The following DOCK3 variants were observed in gnomAD, a reference collection of about 807,000 sequenced individuals.
The protein encoded by DOCK3 is dedicator of cytokinesis 3, also known as dedicator of cytokinesis protein 3.
Under a neutral mutation model 265.6 loss-of-function variants are expected in DOCK3, and 60 were observed. That is an observed-to-expected ratio of 0.23 (90% CI 0.18 to 0.28). DOCK3 has a LOEUF of 0.28. Among genes scored for constraint, DOCK3 ranks in the 10% least tolerant of loss-of-function variants. DOCK3 has a pLI of 1.00. For synonymous variants in DOCK3, 881 were observed against 938.0 expected, an observed-to-expected ratio of 0.94 and a Z score of 1.11; for missense variants, 1,981 against 2,594.3, an observed-to-expected ratio of 0.76 and a Z score of 5.14.
chr3:51,172,974 A>G (rs1456210773), intron 12 of DOCK3, among the ~76,000 whole-genome samples: 4 of 152,182 alleles, frequency 2.6e-5, no homozygotes, highest in Non-Finnish European at 5.9e-5. Context: ...ACATATTTAC[A>G]TGTTGTAACC....
At position 51,146,631 on chromosome 3, in the gene DOCK3, G is replaced by T. The variant is rs1474586940; in HGVS notation, c.828+1G>T. 1 of 1,578,782 alleles carries T rather than the reference G, an allele frequency of 6.3e-7. No individual in the cohort carries two copies. Among genetic ancestry groups the T allele is most frequent in the Non-Finnish European group, 8.6e-7 (1 of 1,161,068 alleles). ...AGAACGAATGTGTGCCCTTTTTACA[G>T]TATGTACGAATTCTCTTTTTCTTCT... On this transcript the variant is annotated splice_donor_variant, in intron 10 of 52. Transcript: ENST00000266037. LOFTEE classifies it high-confidence loss of function.
intron 5 of DOCK3, among the ~76,000 whole-genome samples, chr3:51,063,441 A>G (rs1337324562): frequency 6.6e-6 from 1 of 152,218 alleles, no homozygotes; most frequent in Non-Finnish European, 1.5e-5. Context: ...CTGCCACCTC[A>G]AAACACTACC....
At chr3:50,970,123 A>G (rs2077155871) in intron 5 of DOCK3, among the ~76,000 whole-genome samples, 1 of 152,174 alleles carries the variant, frequency 6.6e-6, no homozygotes, top group South Asian at 2.1e-4. Context: ...AATAGGACCC[A>G]GTCTCTTCTG....
At chr3:51,231,669 G>T (rs528066279) in intron 19 of DOCK3, among the ~76,000 whole-genome samples, 1 of 152,262 alleles carries the variant, frequency 6.6e-6, no homozygotes, top group African/African-American at 2.4e-5. Context: ...TCATTTGTCA[G>T]ATGCATAGTT....
chr3:50,758,575 A>G (rs2040339240), intron 1 of DOCK3, among the ~76,000 whole-genome samples: 1 of 152,194 alleles, frequency 6.6e-6, no homozygotes, highest in South Asian at 2.1e-4. Context: ...AGCATCAAGT[A>G]CATACATACT....
intron 11 of DOCK3, among the ~76,000 whole-genome samples, chr3:51,159,714 G>T (rs1323682191): frequency 6.6e-6 from 1 of 152,114 alleles, no homozygotes; most frequent in Non-Finnish European, 1.5e-5. Context: ...TTATGTATCT[G>T]TGGCTCTCTC....
At chr3:51,142,683 A>G (rs913166138) in intron 9 of DOCK3, among the ~76,000 whole-genome samples, 1 of 152,150 alleles carries the variant, frequency 6.6e-6, no homozygotes, top group Non-Finnish European at 1.5e-5. Context: ...GCTGCTATAA[A>G]TATTTATATA....
chr3:51,248,076 G>C (rs1355841410), intron 22 of DOCK3, among the ~76,000 whole-genome samples: 1 of 152,200 alleles, frequency 6.6e-6, no homozygotes, highest in African/African-American at 2.4e-5. Flanking sequence ...CCATGCTTCA[G>C]ACACTGTTCT....
At chr3:51,090,825 AAGG>A (rs1454221576) in intron 9 of DOCK3, among the ~76,000 whole-genome samples, 1 of 152,154 alleles carries the variant, frequency 6.6e-6, no homozygotes, top group Admixed American at 6.5e-5. Context: ...CAGCCCATGA[AAGG>A]AGAGCATCTT....
intron 2 of DOCK3, among the ~76,000 whole-genome samples, chr3:50,801,772 ATCTGTCC>A (rs2043081386): frequency 1.3e-5 from 2 of 152,240 alleles, no homozygotes; most frequent in South Asian, 4.1e-4. Context: ...TGTCAAGATG[ATCTGTCC>A]ATTGCTGAGA....
intron 7 of DOCK3, among the ~76,000 whole-genome samples, chr3:51,079,725 T>G (rs984963088): frequency 2.0e-5 from 3 of 152,162 alleles, no homozygotes. Flanking sequence ...ATAACAACTC[T>G]AAATCCATTT....
chr3:51,096,814 G>C (rs1473985461), intron 9 of DOCK3, among the ~76,000 whole-genome samples: 2 of 152,300 alleles, frequency 1.3e-5, no homozygotes, highest in African/African-American at 4.8e-5. Flanking sequence ...GTGACCTCCG[G>C]ATAGGGTTTC....
rs920721810 is a variant in DOCK3, at chr3:50,765,078, T to G, written c.38-13597T>G. Among the ~76,000 whole-genome samples the G allele has an allele frequency of 3.0e-5, 4 of 134,920 alleles. No individual in the cohort carries two copies. The Admixed American group carries it at 3.0e-4, about 10-fold the overall frequency. 88.5% of individuals were successfully genotyped at this position (134,920 alleles called of 152,430 possible). A position where few individuals can be genotyped will look rare whatever the true frequency, so the allele number is the denominator to read the frequency against. On this transcript the variant is annotated intron_variant, in intron 1 of 52. Coordinates refer to ENST00000266037, the MANE Select transcript of DOCK3 (RefSeq NM_004947.5). The stretch of plus-strand genomic sequence containing the variant: ...GAAGCTGCCACTTTCTTAGGTTTTT[T>G]TTTTTTTTTTTTTTTTTTTTTGAGA...
chr3:50,854,595 T>TTTTTTTTTTTTTTTG (rs2046498819), intron 3 of DOCK3, among the ~76,000 whole-genome samples: 1 of 129,222 alleles, frequency 7.7e-6, no homozygotes, highest in Admixed American at 7.8e-5. Context: ...CACACCAGTT[T>TTTTTTTTTTTTTTTG]TTTTTTTTTT....
In DOCK3 at chr3:51,248,224, A is replaced by G. The variant is rs552559295; in HGVS notation, c.2184+1417A>G. ...TATTCTAATCAATGTTGACACCAAC[A>G]TTGGCTTACAAAGTCAGTTTAAAAA... On this transcript the variant is annotated intron_variant, in intron 22 of 52. Coordinates refer to ENST00000266037, the MANE Select transcript of DOCK3 (RefSeq NM_004947.5). Among the ~76,000 whole-genome samples the G allele has an allele frequency of 3.3e-5, 5 of 152,362 alleles. No individual in the cohort carries two copies. In the South Asian group the frequency reaches 1.0e-3, roughly 32 times the overall value.
At chr3:50,839,126 A>G (rs1167122648) in intron 2 of DOCK3, among the ~76,000 whole-genome samples, 3 of 152,224 alleles carry the variant, frequency 2.0e-5, no homozygotes, top group Non-Finnish European at 4.4e-5. Flanking sequence ...CACAGTATGC[A>G]TTTAAGATTC....
At chr3:51,136,378 C>G (rs1424675595) in intron 9 of DOCK3, among the ~76,000 whole-genome samples, 1 of 152,062 alleles carries the variant, frequency 6.6e-6, no homozygotes, top group Non-Finnish European at 1.5e-5. Flanking sequence ...AGGCACCCAC[C>G]ACCACACCCG....
chr3:50,733,528 A>G (rs1467510070), intron 1 of DOCK3, among the ~76,000 whole-genome samples: 1 of 152,220 alleles, frequency 6.6e-6, no homozygotes, highest in Non-Finnish European at 1.5e-5. Flanking sequence ...TGTCTGATAC[A>G]AGTATAGCTA....
chr3:51,310,430 C>CA (rs1255034548), intron 28 of DOCK3, 104 bp downstream of exon 28: 3 of 1,054,666 alleles, frequency 2.8e-6, no homozygotes, highest in African/African-American at 3.2e-5. Context: ...AAATAAAGGC[C>CA]AGGGCCATGG....
Sources: allele counts gnomAD v4.1 joint callset (sites outside exome capture counted in the v4.1 genomes callset), GRCh38; gene constraint gnomAD v4.1.1; transcripts MANE v1.5; gene names NCBI Gene and HGNC (gene_info 2026-07-23, HGNC 2026-07-21).